MSANTD2: variants seen among roughly 807,000 people sequenced by gnomAD.
MSANTD2 encodes myb/SANT-like DNA-binding domain-containing protein 2.
MSANTD2 carries 19 observed loss-of-function variants against 52.6 expected under a neutral mutation model. The ratio of observed to expected loss-of-function variants is 0.36; its 90% CI spans 0.25 to 0.53. The LOEUF (loss-of-function observed/expected upper bound fraction) is 0.53. Among genes scored for constraint, MSANTD2 ranks in the 20% least tolerant of loss-of-function variants. MSANTD2 has a pLI of 0.91. For synonymous variants in MSANTD2, 291 were observed against 289.7 expected (o/e 1.00, Z -0.04); for missense variants, 558 against 716.3 (o/e 0.78, Z 2.52).
At chr11:124,780,100 A>T (rs1265857676) in intron 1 of MSANTD2, among the ~76,000 whole-genome samples, 1 of 152,186 alleles carries the variant, frequency 6.6e-6, no homozygotes. Context: ...CTTGAGCTAT[A>T]TTTTGTTACT....
chr11:124,792,340 T>C (rs1316874871), intron 1 of MSANTD2: 1 of 152,244 alleles, frequency 6.6e-6, no homozygotes, highest in Non-Finnish European at 1.5e-5. Context: ...GGCTCCCACA[T>C]CACTCTTTCA....
chr11:124,781,461 A>C (rs1288186734), intron 1 of MSANTD2, among the ~76,000 whole-genome samples: 1 of 152,200 alleles, frequency 6.6e-6, no homozygotes, highest in Non-Finnish European at 1.5e-5. Context: ...AGTATAGTAA[A>C]GTAAGTCTTG....
intron 1 of MSANTD2, chr11:124,791,064 T>A: frequency 1.9e-6 from 1 of 532,578 alleles, no homozygotes; most frequent in Non-Finnish European, 3.4e-6. Flanking sequence ...TAAACACAAG[T>A]AGGAGATGAA....
Position 124,771,059 on chromosome 11 carries a change from G to C in MSANTD2, c.827+1935C>G, listed in dbSNP as rs1262695800. On this transcript the variant is annotated intron_variant, in intron 3 of 3. Transcript: ENST00000374979. ...ATTTTTGTATTTTTAGTAGAGACAG[G>C]GTTTCACCATGTTGGACAGGCTGCT... Among the ~76,000 whole-genome samples the C allele has an allele frequency of 5.3e-5, 8 of 152,140 alleles. No individual in the cohort carries two copies. In the East Asian group the frequency reaches 1.4e-3, roughly 26 times the overall value.
intron 1 of MSANTD2, among the ~76,000 whole-genome samples, chr11:124,778,135 T>C (rs1944814136): frequency 6.6e-6 from 1 of 152,166 alleles, no homozygotes; most frequent in East Asian, 1.9e-4. Context: ...AAAAACCTAC[T>C]CTAGAGCTGA....
At chr11:124,772,522 G>A (rs1944564146) in intron 3 of MSANTD2, among the ~76,000 whole-genome samples, 1 of 152,154 alleles carries the variant, frequency 6.6e-6, no homozygotes. Context: ...CGGATCACCA[G>A]GTCAGGAGAT....
In MSANTD2 at chr11:124,784,406, A is replaced by G. The variant is rs984245063; in HGVS notation, c.511-9432T>C. 5.1e-6 allele frequency: 5 copies of G among 985,240 alleles called. No homozygotes were observed. The African/African-American group carries it at 8.7e-5, about 17-fold the overall frequency. 61.0% of individuals were successfully genotyped at this position (985,240 alleles called of 1,614,324 possible). A position where few individuals can be genotyped will look rare whatever the true frequency, so the allele number is the denominator to read the frequency against. ...ATTTCTGGCATAGCAGGGGAGAACC[A>G]GTCTTCGTTAAAGTACTCCCAAACA... On this transcript the variant is annotated intron_variant, in intron 1 of 3. Transcript: ENST00000374979.
rs1187208864 is a variant in MSANTD2 at position 124,800,264 on chromosome 11, G to T, written c.117C>A (p.Ser39=). 1.9e-6 allele frequency: 3 copies of T among 1,567,326 alleles called. No individual in the cohort carries two copies. Among genetic ancestry groups the T allele is most frequent in the Middle Eastern group, 1.7e-4 (1 of 5,900 alleles). ...GGLSDGNPSL[S]DPSTPRGASP... ...AGGCACCCCGAGGCGTGGAAGGGTCGGACAGCGATGGATTTCCGTCGCTCA... is the reference window on the plus strand; with the variant it reads ...AGGCACCCCGAGGCGTGGAAGGGTCTGACAGCGATGGATTTCCGTCGCTCA... Residue 39 remains serine (S), a synonymous_variant, in exon 1 of 4, where the codon TCC becomes TCA. Transcript: ENST00000374979. This position sits in a 1 kb window ranked among gnomAD's most constrained non-coding sequence, Gnocchi z 4.3.
At chr11:124,776,777 A>G (rs1944762554) in intron 1 of MSANTD2, among the ~76,000 whole-genome samples, 1 of 152,222 alleles carries the variant, frequency 6.6e-6, no homozygotes, top group African/African-American at 2.4e-5. Flanking sequence ...CCCACCCTAA[A>G]GCCAGCCGGC....
chr11:124,773,904 C>T (rs1944635597), intron 2 of MSANTD2, among the ~76,000 whole-genome samples: 1 of 152,084 alleles, frequency 6.6e-6, no homozygotes, highest in South Asian at 2.1e-4. Flanking sequence ...CATTACATAA[C>T]CTCCTGTTAA....
At position 124,774,998 on chromosome 11, in the gene MSANTD2, T is replaced by A; in HGVS notation, c.511-24A>T. Reference sequence around the variant, plus strand: ...GTCTAAGACACAAAGTCTTTTGTTATTCCTTTAAAGCTGTACTTCCTCTTC... The same window carrying A: ...GTCTAAGACACAAAGTCTTTTGTTAATCCTTTAAAGCTGTACTTCCTCTTC... On this transcript the variant is annotated intron_variant, in intron 1 of 3. Coordinates refer to ENST00000374979, the MANE Select transcript of MSANTD2 (RefSeq NM_001308027.2). This position sits in a 1 kb window ranked among gnomAD's most constrained non-coding sequence, Gnocchi z 5.1. The A allele has an allele frequency of 6.5e-7, 1 of 1,530,908 alleles. No homozygotes were observed. The highest frequency in any genetic ancestry group is 8.7e-7 in the Non-Finnish European group (1 of 1,143,432). The allele number at this position is 1,530,908 out of a possible 1,614,324, so 94.8% of individuals were successfully genotyped here.
chr11:124,770,779 G>GT (rs1442818998), intron 3 of MSANTD2, among the ~76,000 whole-genome samples: 4 of 133,964 alleles, frequency 3.0e-5, no homozygotes, highest in African/African-American at 6.9e-5. Flanking sequence ...CTAATTTTTT[G>GT]GTTTTTTTTT....
chr11:124,791,468 G>A (rs1235832249), intron 1 of MSANTD2: 2 of 1,133,914 alleles, frequency 1.8e-6, no homozygotes, highest in Non-Finnish European at 2.6e-6. Flanking sequence ...GCACTGGGAG[G>A]TCAGGCGAGT....
chr11:124,783,451 C>A (rs958690611), intron 1 of MSANTD2, among the ~76,000 whole-genome samples: 1 of 152,052 alleles, frequency 6.6e-6, no homozygotes. Context: ...GATACCCTGT[C>A]TCTTCTAAAA....
At chr11:124,776,325 C>T (rs1944742263) in intron 1 of MSANTD2, 2 of 152,250 alleles carry the variant, frequency 1.3e-5, no homozygotes, top group Admixed American at 1.3e-4. Flanking sequence ...TGAGACAGCA[C>T]TTCGCTCTTG....
In MSANTD2 at chr11:124,772,288, T is replaced by A. The variant is rs574727032; in HGVS notation, c.827+706A>T. On this transcript the variant is annotated intron_variant, in intron 3 of 3. Coordinates refer to ENST00000374979, the MANE Select transcript of MSANTD2 (RefSeq NM_001308027.2). ...GATAAACTCAGGTTCCTGTGACTCA[T>A]CTTTGTGCCTTAATTAAACATCCAG... is the stretch of plus-strand genomic sequence containing the variant. Among the ~76,000 whole-genome samples, 6 of 152,326 alleles carry A rather than the reference T, an allele frequency of 3.9e-5. No individual in the cohort carries two copies. In the South Asian group the frequency reaches 1.2e-3, roughly 32 times the overall value.
intron 1 of MSANTD2, among the ~76,000 whole-genome samples, chr11:124,788,493 T>G (rs1945236158): frequency 6.6e-6 from 1 of 152,340 alleles, no homozygotes; most frequent in Admixed American, 6.5e-5. Context: ...TTTTTCCTCT[T>G]AATTTTATAG....
At position 124,800,029 on chromosome 11, in the gene MSANTD2, T is replaced by C; in HGVS notation, c.352A>G (p.Asn118Asp). ...TACCGCGCCTCCACCAGCCGCTCGTTGCCCCACACTGCGATGAGCGCGTTC... is the reference window on the plus strand; with the variant it reads ...TACCGCGCCTCCACCAGCCGCTCGTCGCCCCACACTGCGATGAGCGCGTTC... ...ETNALIAVWG[N>D]ERLVEARYQQ... is the part of the protein sequence containing the mutation. Residue 118 changes from asparagine to aspartate, a missense_variant, in exon 1 of 4, where the codon AAC becomes GAC. Asn to Asp is a conservative substitution (Grantham distance 23, BLOSUM62 1). This residue lies in a region of MSANTD2 where 408 missense variants were observed against 573.6 expected (regional missense o/e 0.71). Transcript: ENST00000374979. This position sits in a 1 kb window ranked among gnomAD's most constrained non-coding sequence, Gnocchi z 4.3. 2 of 1,581,386 alleles carry C rather than the reference T, an allele frequency of 1.3e-6. No individual in the cohort carries two copies. Among genetic ancestry groups the C allele is most frequent in the African/African-American group, 1.4e-5 (1 of 72,100 alleles).
chr11:124,781,921 G>A (rs146237963), intron 1 of MSANTD2, among the ~76,000 whole-genome samples: 2 of 152,246 alleles, frequency 1.3e-5, no homozygotes, highest in African/African-American at 4.8e-5. Context: ...CCAAAGTGCT[G>A]GGATTACAGG....
Sources: allele counts gnomAD v4.1 joint callset (sites outside exome capture counted in the v4.1 genomes callset), GRCh38; gene constraint gnomAD v4.1.1; regional missense constraint gnomAD v4.1.1; non-coding constraint Gnocchi (gnomAD v3.1); transcripts MANE v1.5; gene names NCBI Gene and HGNC (gene_info 2026-07-23, HGNC 2026-07-21).